ASTN2: variants seen among roughly 807,000 people sequenced by gnomAD.
ASTN2 encodes the protein astrotactin 2.
ASTN2 carries 54 observed loss-of-function variants against 139.8 expected under a neutral mutation model. The ratio of observed to expected loss-of-function variants is 0.39; its 90% CI spans 0.31 to 0.48. The LOEUF (loss-of-function observed/expected upper bound fraction) is 0.48, where lower values mean the gene tolerates loss of function less well. Among genes scored for constraint, ASTN2 ranks in the 20% least tolerant of loss-of-function variants. The pLI is 0.95. For synonymous variants in ASTN2, 756 were observed against 719.5 expected (o/e 1.05, Z -0.81); for missense variants, 1,565 against 1,725.1 (o/e 0.91, Z 1.64).
intron 19 of ASTN2, among the ~76,000 whole-genome samples, chr9:116,525,600 T>C (rs1449992400): frequency 1.3e-5 from 2 of 152,188 alleles, no homozygotes; most frequent in South Asian, 2.1e-4. Context: ...TAGTGGTCCA[T>C]GAATTTGAGT....
chr9:116,852,917 AC>A, intron 11 of ASTN2, among the ~76,000 whole-genome samples: 1 of 147,254 alleles, frequency 6.8e-6, no homozygotes, highest in Non-Finnish European at 1.5e-5. Flanking sequence ...ACACACACAC[AC>A]GGTTAAGATC....
intron 1 of ASTN2, among the ~76,000 whole-genome samples, chr9:117,363,123 T>G (rs763442452): frequency 6.6e-6 from 1 of 152,152 alleles, no homozygotes; most frequent in Non-Finnish European, 1.5e-5. Flanking sequence ...ACACCCTTCA[T>G]TAAATGCTCT....
chr9:117,184,418 C>T (rs912418366), intron 3 of ASTN2, among the ~76,000 whole-genome samples: 6 of 152,122 alleles, frequency 3.9e-5, no homozygotes, highest in African/African-American at 1.2e-4. Context: ...ATCTGTTCTC[C>T]GAAGGCTTCA....
At chr9:116,642,583 TACA>T (rs1857396874) in intron 17 of ASTN2, among the ~76,000 whole-genome samples, 1 of 152,166 alleles carries the variant, frequency 6.6e-6, no homozygotes, top group African/African-American at 2.4e-5. Context: ...TTTAGTATTC[TACA>T]ACATTTGAGT....
At chr9:116,694,662 G>T (rs1235868722) in intron 16 of ASTN2, among the ~76,000 whole-genome samples, 1 of 147,896 alleles carries the variant, frequency 6.8e-6, no homozygotes, top group African/African-American at 2.5e-5. Context: ...TAGTAGAGAC[G>T]GAGTTTCACC....
intron 5 of ASTN2, among the ~76,000 whole-genome samples, chr9:117,065,397 CAGTATT>C (rs1434863512): frequency 6.6e-6 from 1 of 152,100 alleles, no homozygotes; most frequent in African/African-American, 2.4e-5. Context: ...TTTCGAGACT[CAGTATT>C]AGTATAGCCT....
chr9:117,254,041 A>G (rs752147439), intron 2 of ASTN2, among the ~76,000 whole-genome samples: 7 of 152,256 alleles, frequency 4.6e-5, no homozygotes, highest in Non-Finnish European at 8.8e-5. Context: ...GGAGTCTGGC[A>G]GGGGAGGTGA....
chr9:116,533,986 G>T (rs1851489418), intron 19 of ASTN2, among the ~76,000 whole-genome samples: 2 of 152,096 alleles, frequency 1.3e-5, no homozygotes, highest in Non-Finnish European at 2.9e-5. Context: ...GAATCCATCT[G>T]GTCCTGGAAT....
chr9:116,559,008 A>G (rs567486150), intron 19 of ASTN2, among the ~76,000 whole-genome samples: 10 of 152,332 alleles, frequency 6.6e-5, no homozygotes, highest in African/African-American at 2.2e-4. Flanking sequence ...AACATGCAAC[A>G]GATTGTTGCC....
intron 10 of ASTN2, among the ~76,000 whole-genome samples, chr9:116,941,200 T>G (rs529421607): frequency 3.2e-4 from 49 of 152,194 alleles, no homozygotes; most frequent in Admixed American, 1.3e-3. Flanking sequence ...CCATTAAGAC[T>G]TGGTTATGGC....
In ASTN2 at chr9:117,119,990, A is replaced by ATGTGTG. The variant is rs752111718; in HGVS notation, c.1168+21330_1168+21335dup. Among the ~76,000 whole-genome samples the ATGTGTG allele has an allele frequency of 2.4e-3, 172 of 73,140 alleles. 1 individual carries two copies. The highest frequency in any genetic ancestry group is 6.3e-3 in the African/African-American group (102 of 16,320). 48.0% of individuals were successfully genotyped at this position (73,140 alleles called of 152,430 possible). On this transcript the variant is annotated intron_variant, in intron 4 of 22. Transcript: ENST00000313400. ...TATATAGATATCTCTATATATTTGTATGTGTGTGTGTGTGTGTGTGTGTGT... is the reference window on the plus strand; with the variant it reads ...TATATAGATATCTCTATATATTTGTATGTGTGTGTGTGTGTGTGTGTGTGTGTGTGT...
chr9:116,674,959 ACT>A lies in ASTN2; in HGVS notation c.2807-23168_2807-23167del, dbSNP rs141335484. Among the ~76,000 whole-genome samples, 186 of 152,062 alleles carry A rather than the reference ACT, an allele frequency of 1.2e-3. 3 individuals carry two copies. The East Asian group carries it at 0.035, about 28-fold the overall frequency. ...CCACACAGCGAGCTCTGCTTGAATTACTCTTTCTCCATTGCAATTCCCGTCTT... is the reference window on the plus strand; with the variant it reads ...CCACACAGCGAGCTCTGCTTGAATTACTTTCTCCATTGCAATTCCCGTCTT... On this transcript the variant is annotated intron_variant, in intron 16 of 22. Coordinates refer to ENST00000313400, the MANE Select transcript of ASTN2 (RefSeq NM_001365068.1).
At chr9:116,942,975 A>G (rs1392661343) in intron 10 of ASTN2, among the ~76,000 whole-genome samples, 1 of 152,188 alleles carries the variant, frequency 6.6e-6, no homozygotes, top group Non-Finnish European at 1.5e-5. Context: ...ATGGTTGTAC[A>G]CTACAGAAAT....
chr9:116,807,499 G>A (rs1489345860), intron 12 of ASTN2, among the ~76,000 whole-genome samples: 2 of 152,172 alleles, frequency 1.3e-5, no homozygotes, highest in Non-Finnish European at 2.9e-5. Flanking sequence ...TAGTACAGTG[G>A]GGAAATCTCT....
intron 6 of ASTN2, among the ~76,000 whole-genome samples, chr9:117,027,226 T>C (rs143819762): frequency 0.011 from 1,641 of 152,250 alleles, 21 homozygotes; most frequent in African/African-American, 0.038. Context: ...GTAACACTGG[T>C]AGCATCTATT....
chr9:117,059,860 G>T (rs1174272934), intron 5 of ASTN2, among the ~76,000 whole-genome samples: 1 of 152,188 alleles, frequency 6.6e-6, no homozygotes, highest in Non-Finnish European at 1.5e-5. Context: ...TGGAGATACA[G>T]GGAAAGACAA....
intron 1 of ASTN2, among the ~76,000 whole-genome samples, chr9:117,300,103 C>T (rs570388197): frequency 3.9e-5 from 6 of 152,190 alleles, no homozygotes; most frequent in African/African-American, 9.6e-5. Context: ...AATCATCCAA[C>T]GACATACTTC....
intron 3 of ASTN2, among the ~76,000 whole-genome samples, chr9:117,182,226 T>G (rs746826566): frequency 4.1e-5 from 6 of 144,954 alleles, no homozygotes; most frequent in Non-Finnish European, 7.6e-5. Context: ...TTGTACTGCA[T>G]GCCTTCCAAA....
chr9:117,149,777 G>C (rs1359921045), intron 3 of ASTN2, among the ~76,000 whole-genome samples: 1 of 152,138 alleles, frequency 6.6e-6, no homozygotes, highest in African/African-American at 2.4e-5. Flanking sequence ...TTCATGACTA[G>C]AATAAATTTA....
Sources: gnomAD v4.1 joint callset for allele counts (sites outside exome capture counted in the v4.1 genomes callset) on GRCh38, gnomAD v4.1.1 for gene constraint, MANE v1.5 for transcripts, NCBI Gene and HGNC (gene_info 2026-07-23, HGNC 2026-07-21) for gene names.